The following CHN2 variants were observed in gnomAD, a reference collection of about 807,000 sequenced individuals.
CHN2 encodes the protein beta-chimaerin.
Under a neutral mutation model 56.3 loss-of-function variants are expected in CHN2, and 35 were observed. The observed-to-expected ratio is 0.62, with a 90% CI of 0.47 to 0.82. The LOEUF is 0.82. Among genes scored for constraint, CHN2 ranks in the 40% least tolerant of loss-of-function variants. CHN2 has a pLI of 0.00. For synonymous variants in CHN2, 210 were observed against 212.8 expected (o/e 0.99, Z 0.12); for missense variants, 491 against 580.5 (o/e 0.85, Z 1.58).
intron 1 of CHN2, among the ~76,000 whole-genome samples, chr7:29,254,222 ATG>A (rs1194073203): frequency 2.0e-5 from 3 of 152,154 alleles, no homozygotes; most frequent in Non-Finnish European, 4.4e-5. Context: ...TTTCTACTAG[ATG>A]ATAAGCTCTA....
Position 29,512,836 on chromosome 7 carries a change from T to G in CHN2, c.*101T>G. 1 of 1,311,790 alleles carries G rather than the reference T, an allele frequency of 7.6e-7. No homozygotes were observed. Among genetic ancestry groups the G allele is most frequent in the Non-Finnish European group, 1.0e-6 (1 of 960,068 alleles). The allele number at this position is 1,311,790 out of a possible 1,614,324, so 81.3% of individuals were successfully genotyped here. A position where few individuals can be genotyped will look rare whatever the true frequency, so the allele number is the denominator to read the frequency against. On this transcript the variant is annotated 3_prime_UTR_variant, in exon 13 of 13. Transcript: ENST00000222792. ...CCACTTGATTTGTTTTCCAAGCAAGTGCTAGAATTTCCTGGACTGCAGAGG... is the reference window on the plus strand; with the variant it reads ...CCACTTGATTTGTTTTCCAAGCAAGGGCTAGAATTTCCTGGACTGCAGAGG...
At chr7:29,342,380 T>C (rs1330643431) in intron 1 of CHN2, among the ~76,000 whole-genome samples, 4 of 152,190 alleles carry the variant, frequency 2.6e-5, no homozygotes, top group Non-Finnish European at 5.9e-5. Flanking sequence ...CAGCTTCTCT[T>C]CCATCTCTAC....
intron 2 of CHN2, among the ~76,000 whole-genome samples, chr7:29,362,330 G>A (rs1798801761): frequency 6.6e-6 from 1 of 152,324 alleles, no homozygotes; most frequent in Admixed American, 6.5e-5. Flanking sequence ...TTATTAGTGA[G>A]GGGAATAACA....
At chr7:29,384,523 C>A (rs767049297) in intron 3 of CHN2, among the ~76,000 whole-genome samples, 11 of 152,162 alleles carry the variant, frequency 7.2e-5, no homozygotes, top group Non-Finnish European at 1.2e-4. Context: ...TCCTGGCCCT[C>A]CCCTTAGTGG....
chr7:29,499,879 A>G lies in CHN2; in HGVS notation c.752A>G (p.Asn251Ser). ...TCTTTGTTTACAGACTGTGGATTGA[A>G]CGTACACAAACAGTGTTCCAAGCAC... ...QGVRCSDCGL[N>S]VHKQCSKHVP... The change falls in exon 9 of 13, where the codon AAC becomes AGC. Residue 251 changes from asparagine to serine, a missense_variant. Coordinates refer to ENST00000222792, the MANE Select transcript of CHN2 (RefSeq NM_004067.4). 3 of 1,596,380 alleles carry G rather than the reference A, an allele frequency of 1.9e-6. No homozygotes were observed. The highest frequency in any genetic ancestry group is 2.6e-6 in the Non-Finnish European group (3 of 1,173,656).
intron 1 of CHN2, among the ~76,000 whole-genome samples, chr7:29,206,293 T>A (rs566306620): frequency 1.1e-3 from 160 of 152,224 alleles, no homozygotes; most frequent in Non-Finnish European, 1.8e-3. Context: ...AAAAAATTTT[T>A]TTCCCCCAAG....
intron 9 of CHN2, among the ~76,000 whole-genome samples, chr7:29,502,734 G>A (rs1196396116): frequency 6.7e-6 from 1 of 149,444 alleles, no homozygotes; most frequent in Non-Finnish European, 1.5e-5. Context: ...TATTATATAA[G>A]GCATAGATTT....
At chr7:29,455,372 C>A (rs1185499101) in intron 6 of CHN2, among the ~76,000 whole-genome samples, 4 of 152,140 alleles carry the variant, frequency 2.6e-5, no homozygotes, top group Admixed American at 6.5e-5. Flanking sequence ...ACATTTAAAG[C>A]TAGATGAGGC....
intron 1 of CHN2, among the ~76,000 whole-genome samples, chr7:29,273,343 G>GTATGTATATA (rs1554387186): frequency 3.4e-5 from 2 of 58,184 alleles, no homozygotes; most frequent in South Asian, 5.3e-4. Flanking sequence ...ATATATATGT[G>GTATGTATATA]TATATATATA....
At chr7:29,505,050 T>C (rs1020947300) in intron 10 of CHN2, among the ~76,000 whole-genome samples, 1 of 152,194 alleles carries the variant, frequency 6.6e-6, no homozygotes, top group Admixed American at 6.5e-5. Flanking sequence ...CCACATGGCA[T>C]TGGAGTACCC....
chr7:29,387,984 A>C (rs1801054920), intron 3 of CHN2, among the ~76,000 whole-genome samples: 1 of 152,186 alleles, frequency 6.6e-6, no homozygotes, highest in South Asian at 2.1e-4. Flanking sequence ...ATTGTTTTTT[A>C]AGTGTTTTAT....
rs146802991 is a variant in CHN2, at chr7:29,275,882, G to C, written c.50-78743G>C. On this transcript the variant is annotated intron_variant, in intron 1 of 12. Transcript: ENST00000222792. ...TGAGTTCAGCAGGTTGCAATGTTGT[G>C]CTCTGCAGGTGACAGAATTAGATTT... Among the ~76,000 whole-genome samples, 418 of 152,264 alleles carry C rather than the reference G, an allele frequency of 2.7e-3. 2 individuals carry two copies. The highest frequency in any genetic ancestry group is 0.017 in the Middle Eastern group (5 of 294).
chr7:29,436,104 A>T (rs1783204956), intron 6 of CHN2, among the ~76,000 whole-genome samples: 1 of 152,086 alleles, frequency 6.6e-6, no homozygotes, highest in Non-Finnish European at 1.5e-5. Flanking sequence ...CTCAAGTTGG[A>T]GACCATAGAA....
At chr7:29,250,946 G>T (rs183951804) in intron 1 of CHN2, among the ~76,000 whole-genome samples, 335 of 152,150 alleles carry the variant, frequency 2.2e-3, no homozygotes, top group African/African-American at 7.9e-3. Context: ...CTGACTTCAG[G>T]TGATCCACCC....
chr7:29,414,706 G>A (rs754759447), intron 6 of CHN2, among the ~76,000 whole-genome samples: 1 of 152,146 alleles, frequency 6.6e-6, no homozygotes, highest in Admixed American at 6.5e-5. Flanking sequence ...CACCTCAGCT[G>A]CTCCCTCTCC....
At chr7:29,396,732 C>T (rs1801785582) in intron 4 of CHN2, 1 of 138,802 alleles carries the variant, frequency 7.2e-6, no homozygotes, top group Admixed American at 7.3e-5. Context: ...CCCACACTCA[C>T]TGCCAACCCA....
intron 1 of CHN2, among the ~76,000 whole-genome samples, chr7:29,257,202 C>G (rs1789143096): frequency 6.6e-6 from 1 of 152,214 alleles, no homozygotes; most frequent in Non-Finnish European, 1.5e-5. Context: ...ACCACCAACC[C>G]TCACTGAGGC....
chr7:29,512,569 C>T lies in CHN2; in HGVS notation c.1241C>T (p.Thr414Ile). The T allele has an allele frequency of 1.2e-6, 2 of 1,611,890 alleles. No homozygotes were observed. Among genetic ancestry groups the T allele is most frequent in the Non-Finnish European group, 8.5e-7 (1 of 1,179,210 alleles). Residue 414 changes from threonine (T) to isoleucine (I), a missense_variant, in exon 13 of 13, where the codon ACT becomes ATT. Thr to Ile is a moderately conservative substitution (Grantham distance 89). Coordinates refer to ENST00000222792, the MANE Select transcript of CHN2 (RefSeq NM_004067.4). ...RYLMIHLKKV[T>I]MNEKDNFMNA... is the part of the protein sequence containing the mutation. ...TCTATATGTTTGTTTTGCAGGGTTA[C>T]TATGAATGAAAAAGACAATTTCATG... is the stretch of plus-strand genomic sequence containing the variant.
intron 1 of CHN2, among the ~76,000 whole-genome samples, chr7:29,348,596 G>A (rs540554653): frequency 5.9e-5 from 9 of 152,194 alleles, no homozygotes; most frequent in East Asian, 5.8e-4. Context: ...CAAAGGAATC[G>A]GACATGACCT....
Sources: gnomAD v4.1 joint callset for allele counts (sites outside exome capture counted in the v4.1 genomes callset) on GRCh38, gnomAD v4.1.1 for gene constraint, MANE v1.5 for transcripts, NCBI Gene and HGNC (gene_info 2026-07-23, HGNC 2026-07-21) for gene names.